Variants in VNN1 observed in about 807,000 individuals in gnomAD.
VNN1 encodes the protein pantetheinase.
VNN1 carries 29 observed loss-of-function variants against 41.9 expected under a neutral mutation model. The observed-to-expected ratio is 0.69, with a 90% CI of 0.52 to 0.94. The LOEUF (loss-of-function observed/expected upper bound fraction) is 0.94, where lower values mean the gene tolerates loss of function less well. VNN1 is among the 40% of genes least tolerant of loss of function. The pLI is 0.00. For synonymous variants in VNN1, 233 were observed against 224.4 expected (o/e 1.04, Z -0.34); for missense variants, 637 against 621.1 (o/e 1.03, Z -0.27).
intron 2 of VNN1, among the ~76,000 whole-genome samples, chr6:132,698,282 T>A (rs981696207): frequency 1.3e-5 from 2 of 152,226 alleles, no homozygotes; most frequent in African/African-American, 4.8e-5. Flanking sequence ...TCTTTAGGTA[T>A]AACAAAAATC....
In VNN1 at chr6:132,703,136, T is replaced by A. The variant is rs1047268258; in HGVS notation, c.341+8573A>T. 5.9e-5 allele frequency among the ~76,000 whole-genome samples: 9 copies of A among 152,184 alleles called. No individual in the cohort carries two copies. The South Asian group carries it at 1.9e-3, about 32-fold the overall frequency. ...CACCCTGAGCCAGAAAAGAACCCAC[T>A]GCCTTCTCTTATAAGAAATGCTAAA... On this transcript the variant is annotated intron_variant, in intron 2 of 6. Transcript: ENST00000367928.
At chr6:132,684,667 A>C (rs1430536425) in intron 5 of VNN1, among the ~76,000 whole-genome samples, 162 bp from the exon 6 acceptor site, 1 of 152,202 alleles carries the variant, frequency 6.6e-6, no homozygotes, top group Non-Finnish European at 1.5e-5. Context: ...AGCTAGGATA[A>C]ATTTTAAAGA....
chr6:132,701,910 A>G (rs553766600), intron 2 of VNN1, among the ~76,000 whole-genome samples: 1 of 152,326 alleles, frequency 6.6e-6, no homozygotes, highest in East Asian at 1.9e-4. Flanking sequence ...TAACAGCAGA[A>G]AGCAACATGG....
rs1778637263 is a variant in VNN1, at chr6:132,713,936, C to T, written c.100G>A (p.Ala34Thr). 1.2e-6 allele frequency: 2 copies of T among 1,614,018 alleles called. No homozygotes were observed. The highest frequency in any genetic ancestry group is 1.7e-6 in the Non-Finnish European group (2 of 1,180,034). The change falls in exon 1 of 7, where the codon GCG becomes ACG. Residue 34 changes from alanine to threonine, a missense_variant. By Grantham distance (58) the Ala-to-Thr change is moderately conservative. Coordinates refer to ENST00000367928, the MANE Select transcript of VNN1 (RefSeq NM_004666.3). ...GTTAGGGTGGCATTGGGCAATATCG[C>T]TGCATGCTCATAAACAGCTGCAGTG... is the stretch of plus-strand genomic sequence containing the variant. ...TFTAAVYEHA[A>T]ILPNATLTPV...
rs535522797 is a variant in VNN1, at chr6:132,691,492, G to A, written c.1188+731C>T. On this transcript the variant is annotated intron_variant, in intron 5 of 6. Coordinates refer to ENST00000367928, the MANE Select transcript of VNN1 (RefSeq NM_004666.3). ...CCCATTCATATCCAGGATATACTTA[G>A]TGTCAAACTCTTTATAAAGCAAGAT... 2.0e-5 allele frequency among the ~76,000 whole-genome samples: 3 copies of A among 152,176 alleles called. No individual in the cohort carries two copies. The South Asian group carries it at 6.2e-4, about 32-fold the overall frequency.
rs1057252331 is a variant in VNN1 at position 132,682,859 on chromosome 6, G to A, written c.*281C>T. 9 of 201,896 alleles carry A rather than the reference G, an allele frequency of 4.5e-5. No individual in the cohort carries two copies. Among genetic ancestry groups the A allele is most frequent in the South Asian group, 3.5e-4 (2 of 5,724 alleles). The allele number at this position is 201,896 out of a possible 1,614,324, so 12.5% of individuals were successfully genotyped here. The stretch of plus-strand genomic sequence containing the variant: ...ATGATAGTTCTTATGTTTTCTACCC[G>A]TAGTTTTTATTTCTTCTGCGTAAAA... On this transcript the variant is annotated 3_prime_UTR_variant, in exon 7 of 7. Transcript: ENST00000367928.
chr6:132,682,128 G>A lies in VNN1; in HGVS notation c.*1012C>T, dbSNP rs1778133843. On this transcript the variant is annotated 3_prime_UTR_variant, in exon 7 of 7. Coordinates refer to ENST00000367928, the MANE Select transcript of VNN1 (RefSeq NM_004666.3). The stretch of plus-strand genomic sequence containing the variant: ...TATTAAATATCTAATTTCTTAAAAT[G>A]GGACTCTCTGGTTTTCTAATTCCAG... The A allele has an allele frequency of 6.6e-6, 1 of 152,152 alleles. No individual in the cohort carries two copies. Among genetic ancestry groups the A allele is most frequent in the African/African-American group, 2.4e-5 (1 of 41,432 alleles). 9.4% of individuals were successfully genotyped at this position (152,152 alleles called of 1,614,324 possible).
intron 5 of VNN1, among the ~76,000 whole-genome samples, chr6:132,691,722 C>T (rs1778287046): frequency 6.6e-6 from 1 of 152,122 alleles, no homozygotes; most frequent in South Asian, 2.1e-4. Flanking sequence ...ATAGGCAGGG[C>T]ACGGTGGCTC....
At chr6:132,709,430 G>C (rs1242082734) in intron 2 of VNN1, among the ~76,000 whole-genome samples, 1 of 152,146 alleles carries the variant, frequency 6.6e-6, no homozygotes, top group East Asian at 1.9e-4. Flanking sequence ...CCAGCACTTT[G>C]GGAGGCCGAG....
Position 132,693,981 on chromosome 6 carries a change from T to A in VNN1, c.534+9A>T. On this transcript the variant is annotated intron_variant, in intron 3 of 6. Coordinates refer to ENST00000367928, the MANE Select transcript of VNN1 (RefSeq NM_004666.3). ...TTAACTAATTGGATTATTTGCAAAT[T>A]AATTTTACCTTATGGTAGCGTGCCA... 6.2e-7 allele frequency: 1 copy of A among 1,613,976 alleles called. No homozygotes were observed. The highest frequency in any genetic ancestry group is 1.3e-5 in the African/African-American group (1 of 75,038).
chr6:132,686,257 G>A (rs144643884), intron 5 of VNN1, among the ~76,000 whole-genome samples: 315 of 152,192 alleles, frequency 2.1e-3, no homozygotes, highest in African/African-American at 7.3e-3. Flanking sequence ...GACCAGCCTG[G>A]CCAACATGGG....
At chr6:132,700,193 G>A (rs1035560769) in intron 2 of VNN1, among the ~76,000 whole-genome samples, 3 of 152,186 alleles carry the variant, frequency 2.0e-5, no homozygotes, top group Non-Finnish European at 4.4e-5. Flanking sequence ...TCTGAAAACT[G>A]TCAGGGTGTT....
chr6:132,710,604 T>C (rs969219536), intron 2 of VNN1, among the ~76,000 whole-genome samples: 4 of 152,178 alleles, frequency 2.6e-5, no homozygotes, highest in African/African-American at 9.6e-5. Context: ...CTCCCACTTA[T>C]GAGCGAGAAC....
At chr6:132,684,618 C>T in intron 5 of VNN1, 113 bp from the exon 6 acceptor site, 1 of 848,282 alleles carries the variant, frequency 1.2e-6, no homozygotes, top group Non-Finnish European at 1.7e-6. Flanking sequence ...ACATCATACA[C>T]TGTAAAGATA....
intron 5 of VNN1, among the ~76,000 whole-genome samples, chr6:132,687,758 T>C (rs1376599024): frequency 3.3e-5 from 5 of 152,036 alleles, no homozygotes; most frequent in Admixed American, 2.0e-4. Context: ...CTTATGAAAA[T>C]GATATTGTGG....
chr6:132,686,310 T>C (rs1778206968), intron 5 of VNN1, among the ~76,000 whole-genome samples: 1 of 151,558 alleles, frequency 6.6e-6, no homozygotes, highest in African/African-American at 2.4e-5. Context: ...TAGCTGGGAG[T>C]GGTGGCATGA....
rs551264540 is a variant in VNN1, at chr6:132,682,963, C to A, written c.*177G>T. 6.7e-6 allele frequency: 3 copies of A among 449,608 alleles called. No homozygotes were observed. The highest frequency in any genetic ancestry group is 2.0e-5 in the African/African-American group (1 of 49,166). 27.9% of individuals were successfully genotyped at this position (449,608 alleles called of 1,614,324 possible). On this transcript the variant is annotated 3_prime_UTR_variant, in exon 7 of 7. Coordinates refer to ENST00000367928, the MANE Select transcript of VNN1 (RefSeq NM_004666.3). ...TCAAATATAGTTTTTTAAATAAAAT[C>A]TACATTAACAGATAATTTATTAAGT...
chr6:132,692,319 A>G lies in VNN1; in HGVS notation c.1092T>C (p.His364=), dbSNP rs1246992433. The change falls in exon 5 of 7, where the codon CAT becomes CAC. Residue 364 remains histidine (H), a synonymous_variant. Transcript: ENST00000367928. ...TGTTCTCAGACATTTTGTAGCTTAA[A>G]TGACAGCAGAGATCTTTCTGACAAA... The part of the protein sequence containing the change: ...YTVCQKDLCC[H]LSYKMSENIP... 5 of 1,614,226 alleles carry G rather than the reference A, an allele frequency of 3.1e-6. No individual in the cohort carries two copies. The Admixed American group carries it at 5.0e-5, about 16-fold the overall frequency.
intron 1 of VNN1, among the ~76,000 whole-genome samples, chr6:132,712,838 A>G (rs954841237): frequency 2.6e-5 from 4 of 152,200 alleles, no homozygotes; most frequent in Admixed American, 2.6e-4. Context: ...AAATATTAGT[A>G]TATATAAGAA....
Sources: gnomAD v4.1 joint callset for allele counts (sites outside exome capture counted in the v4.1 genomes callset) on GRCh38, gnomAD v4.1.1 for gene constraint, MANE v1.5 for transcripts, NCBI Gene and HGNC (gene_info 2026-07-23, HGNC 2026-07-21) for gene names.